PALLD: variants seen among roughly 807,000 people sequenced by gnomAD.
PALLD encodes the protein palladin.
Under a neutral mutation model 123.5 loss-of-function variants are expected in PALLD, and 61 were observed. The ratio of observed to expected loss-of-function variants is 0.49; its 90% CI spans 0.40 to 0.61. The LOEUF is 0.61. Among genes scored for constraint, PALLD ranks in the 20% least tolerant of loss-of-function variants. PALLD has a pLI of 0.00. For missense variants in PALLD, 1,273 were observed against 1,377.0 expected (o/e 0.92, Z 1.20); for synonymous variants, 465 against 496.4 (o/e 0.94, Z 0.84).
chr4:168,788,106 A>G (rs1737000213), intron 10 of PALLD, among the ~76,000 whole-genome samples: 1 of 152,226 alleles, frequency 6.6e-6, no homozygotes, highest in Non-Finnish European at 1.5e-5. Context: ...GTGATTTTTA[A>G]CAAGAAATAT....
At chr4:168,624,225 A>G (rs981619564) in intron 2 of PALLD, among the ~76,000 whole-genome samples, 2 of 152,218 alleles carry the variant, frequency 1.3e-5, no homozygotes, top group African/African-American at 4.8e-5. Flanking sequence ...CATTAAAAAA[A>G]GTAATTACCA....
At chr4:168,916,497 A>G (rs11938365) in intron 17 of PALLD, among the ~76,000 whole-genome samples, 4,063 of 152,250 alleles carry the variant, frequency 0.027, 81 homozygotes, top group Non-Finnish European at 0.039. Flanking sequence ...CTTTAAATCT[A>G]AATTAAATAT....
At chr4:168,878,416 C>A (rs1752131262) in intron 10 of PALLD, 1 of 1,459,316 alleles carries the variant, frequency 6.9e-7, no homozygotes, top group Non-Finnish European at 9.0e-7. Flanking sequence ...CCGCGGTCCT[C>A]CACTTCCCTG....
At chr4:168,635,152 G>A (rs868197148) in intron 2 of PALLD, among the ~76,000 whole-genome samples, 1 of 152,308 alleles carries the variant, frequency 6.6e-6, no homozygotes, top group Middle Eastern at 3.4e-3. Context: ...GAGGGCCACA[G>A]CATATCAGTA....
At chr4:168,753,049 C>T (rs1023815533) in intron 10 of PALLD, among the ~76,000 whole-genome samples, 5 of 151,946 alleles carry the variant, frequency 3.3e-5, no homozygotes, top group African/African-American at 1.2e-4. Flanking sequence ...AATGGCAAAG[C>T]GAACAAGCAA....
intron 10 of PALLD, among the ~76,000 whole-genome samples, chr4:168,741,905 T>G (rs892242631): frequency 6.6e-6 from 1 of 152,252 alleles, no homozygotes; most frequent in South Asian, 2.1e-4. Flanking sequence ...CAGCTGACTT[T>G]ATTTTTCGAT....
intron 10 of PALLD, among the ~76,000 whole-genome samples, chr4:168,746,742 G>C (rs1159171448): frequency 6.6e-6 from 1 of 152,112 alleles, no homozygotes; most frequent in Admixed American, 6.5e-5. Flanking sequence ...ATACATCAAG[G>C]GACCAAGAGA....
chr4:168,840,324 T>C (rs1440134447), intron 10 of PALLD, among the ~76,000 whole-genome samples: 2 of 152,302 alleles, frequency 1.3e-5, no homozygotes, highest in South Asian at 2.1e-4. Context: ...GAAGCTTTTA[T>C]TTGCAAGAGA....
At chr4:168,631,873 G>A in intron 2 of PALLD, 2 of 985,508 alleles carry the variant, frequency 2.0e-6, no homozygotes, top group South Asian at 9.4e-5. Flanking sequence ...TTTGGGAGTG[G>A]GGGCAGACGG....
intron 10 of PALLD, among the ~76,000 whole-genome samples, chr4:168,804,806 G>A (rs1178401663): frequency 6.6e-6 from 1 of 152,170 alleles, no homozygotes; most frequent in Admixed American, 6.5e-5. Context: ...GTAAAAATGG[G>A]TAGATGTATA....
chr4:168,731,064 C>T (rs921633110), intron 10 of PALLD, among the ~76,000 whole-genome samples: 1 of 152,096 alleles, frequency 6.6e-6, no homozygotes, highest in African/African-American at 2.4e-5. Context: ...ATTCCTCTTC[C>T]CCACCTTCAG....
chr4:168,629,581 T>C (rs536453270), intron 2 of PALLD, among the ~76,000 whole-genome samples: 14 of 152,312 alleles, frequency 9.2e-5, no homozygotes, highest in African/African-American at 3.4e-4. Flanking sequence ...AATTCAGTAG[T>C]TCTGAGCAGG....
intron 10 of PALLD, among the ~76,000 whole-genome samples, chr4:168,799,337 C>T (rs1241301110): frequency 5.3e-5 from 8 of 152,160 alleles, no homozygotes; most frequent in Admixed American, 6.5e-5. Context: ...TTTGTTTTAA[C>T]AGACGTAGAA....
intron 10 of PALLD, among the ~76,000 whole-genome samples, chr4:168,824,924 C>T (rs557189510): frequency 2.7e-5 from 4 of 150,084 alleles, no homozygotes; most frequent in South Asian, 4.2e-4. Context: ...CAGGCTCAAG[C>T]GATTCTCCCA....
intron 10 of PALLD, among the ~76,000 whole-genome samples, chr4:168,753,870 C>T (rs899826877): frequency 5.3e-5 from 8 of 152,172 alleles, no homozygotes; most frequent in African/African-American, 1.7e-4. Context: ...CCAGACCCCC[C>T]AGCTAGACCA....
intron 10 of PALLD, among the ~76,000 whole-genome samples, chr4:168,860,000 C>A (rs945371449): frequency 2.6e-5 from 4 of 152,124 alleles, no homozygotes; most frequent in African/African-American, 7.2e-5. Flanking sequence ...ACTTACAACA[C>A]GTCTCAATTC....
rs1025100548 is a variant in PALLD, at chr4:168,509,783, T to C, written c.-82-1640T>C. Among the ~76,000 whole-genome samples the C allele has an allele frequency of 1.4e-4, 21 of 152,330 alleles. 1 individual carries two copies. Among genetic ancestry groups the C allele is most frequent in the Admixed American group, 1.2e-3 (19 of 15,304 alleles). ...GACATGTAAGACAAAAGTACAGTAT[T>C]CCACTTAAGAAGATGGGGTATGTTA... On this transcript the variant is annotated intron_variant, in intron 1 of 21. Coordinates refer to ENST00000505667, the MANE Select transcript of PALLD (RefSeq NM_001166108.2).
At chr4:168,675,401 A>G (rs907720179) in intron 3 of PALLD, among the ~76,000 whole-genome samples, 1 of 152,202 alleles carries the variant, frequency 6.6e-6, no homozygotes, top group Non-Finnish European at 1.5e-5. Context: ...GCGTGCTGTG[A>G]TGTGAAATGT....
intron 2 of PALLD, among the ~76,000 whole-genome samples, chr4:168,621,517 T>C (rs1774759810): frequency 6.6e-6 from 1 of 152,236 alleles, no homozygotes; most frequent in South Asian, 2.1e-4. Flanking sequence ...ACCCCAGTCT[T>C]GATAGTTAAT....
Sources: allele counts gnomAD v4.1 joint callset (sites outside exome capture counted in the v4.1 genomes callset), GRCh38; gene constraint gnomAD v4.1.1; transcripts MANE v1.5; gene names NCBI Gene and HGNC (gene_info 2026-07-23, HGNC 2026-07-21).